The following GALK2 variants were observed in gnomAD, a reference collection of about 807,000 sequenced individuals.
GALK2 encodes the protein galactokinase 2, also known as N-acetylgalactosamine kinase.
Under a neutral mutation model 52.4 loss-of-function variants are expected in GALK2, and 36 were observed. The observed-to-expected ratio is 0.69, with a 90% CI of 0.53 to 0.91. GALK2 has a LOEUF of 0.91. GALK2 is among the 40% of genes least tolerant of loss of function. The pLI is 0.00. For synonymous variants in GALK2, 176 were observed against 199.1 expected, an observed-to-expected ratio of 0.88 and a Z score of 0.98; for missense variants, 579 against 559.1, an observed-to-expected ratio of 1.04 and a Z score of -0.36.
In GALK2 at chr15:49,283,438, G is replaced by GTACA. The variant is rs1328101915; in HGVS notation, c.604-128_604-127insTACA. 2.8e-5 allele frequency: 22 copies of GTACA among 774,678 alleles called. No homozygotes were observed. The East Asian group carries it at 5.7e-4, about 20-fold the overall frequency. 48.0% of individuals were successfully genotyped at this position (774,678 alleles called of 1,614,324 possible). The stretch of plus-strand genomic sequence containing the variant: ...TCCAGTGCCTAGTACAGCGCCTGGA[G>GTACA]GTCAATAAGTAATATTTGAATGAAT... On this transcript the variant is annotated intron_variant, in intron 6 of 9. Coordinates refer to ENST00000560031, the MANE Select transcript of GALK2 (RefSeq NM_002044.4).
chr15:49,270,371 A>G (rs1287442171), intron 5 of GALK2, among the ~76,000 whole-genome samples: 1 of 152,216 alleles, frequency 6.6e-6, no homozygotes, highest in Non-Finnish European at 1.5e-5. Flanking sequence ...GTTCTTCAGA[A>G]GAGGCAGTAT....
intron 5 of GALK2, among the ~76,000 whole-genome samples, chr15:49,258,792 ATATGTGTGTGTGTGTGTG>A (rs1316860888): frequency 6.1e-5 from 8 of 130,922 alleles, no homozygotes; most frequent in South Asian, 5.3e-4. Context: ...ATATATATAT[ATATGTGTGTGTGTGTGTG>A]TGTGTGTGTG....
At chr15:49,259,110 T>C (rs1349160826) in intron 5 of GALK2, among the ~76,000 whole-genome samples, 1 of 151,718 alleles carries the variant, frequency 6.6e-6, no homozygotes, top group Non-Finnish European at 1.5e-5. Flanking sequence ...TATATATGTA[T>C]ACTAAAAATT....
At position 49,347,848 on chromosome 15, in the gene GALK2, G is replaced by A. The variant is rs368640895; in HGVS notation, c.427-19643G>A. Among the ~76,000 whole-genome samples, 51 of 151,886 alleles carry A rather than the reference G, an allele frequency of 3.4e-4. No individual in the cohort carries two copies. The East Asian group carries it at 6.8e-3, about 20-fold the overall frequency. On this transcript the variant is annotated intron_variant, in intron 3 of 3. Coordinates refer to the GALK2 transcript ENST00000558399. ...AGCCTGGCCAACATGGTGAAACCCCGTCTCTACTAAAAATATACAAATTAG... is the reference window on the plus strand; with the variant it reads ...AGCCTGGCCAACATGGTGAAACCCCATCTCTACTAAAAATATACAAATTAG...
At chr15:49,235,231 C>T (rs1043005595) in intron 3 of GALK2, among the ~76,000 whole-genome samples, 1 of 152,116 alleles carries the variant, frequency 6.6e-6, no homozygotes, top group African/African-American at 2.4e-5. Flanking sequence ...ATACAGTTTA[C>T]CATGTAGTGA....
chr15:49,245,891 A>G (rs1195159649), intron 5 of GALK2, among the ~76,000 whole-genome samples: 1 of 152,212 alleles, frequency 6.6e-6, no homozygotes, highest in Non-Finnish European at 1.5e-5. Context: ...ACATTAAACA[A>G]TTAATATGGT....
At chr15:49,299,087 T>G (rs1567036335) in intron 8 of GALK2, among the ~76,000 whole-genome samples, 1 of 152,070 alleles carries the variant, frequency 6.6e-6, no homozygotes, top group Non-Finnish European at 1.5e-5. Context: ...TTTTAGAACT[T>G]TTTATTTGTC....
chr15:49,213,657 T>C (rs1046037230), intron 2 of GALK2, among the ~76,000 whole-genome samples: 1 of 152,190 alleles, frequency 6.6e-6, no homozygotes, highest in Non-Finnish European at 1.5e-5. Flanking sequence ...TGTCTTTTAT[T>C]GGGAATTTAG....
At chr15:49,302,545 A>T (rs1398235294) in intron 8 of GALK2, among the ~76,000 whole-genome samples, 1 of 152,202 alleles carries the variant, frequency 6.6e-6, no homozygotes, top group Non-Finnish European at 1.5e-5. Flanking sequence ...GTTTTTATCT[A>T]ATAAAAAGTA....
chr15:49,301,515 A>T (rs1160351103), intron 8 of GALK2, among the ~76,000 whole-genome samples: 3 of 152,066 alleles, frequency 2.0e-5, no homozygotes, highest in Non-Finnish European at 4.4e-5. Context: ...GGGTAAGGAG[A>T]GATAGGCAGA....
chr15:49,226,477 G>A (rs1009929783), intron 3 of GALK2, among the ~76,000 whole-genome samples: 3 of 152,030 alleles, frequency 2.0e-5, no homozygotes, highest in Non-Finnish European at 2.9e-5. Flanking sequence ...TTTTAGTCTC[G>A]TTCAGTGGGA....
At chr15:49,269,180 G>A (rs1004070639) in intron 5 of GALK2, among the ~76,000 whole-genome samples, 3 of 152,194 alleles carry the variant, frequency 2.0e-5, no homozygotes, top group African/African-American at 7.2e-5. Flanking sequence ...GTTCATGAAA[G>A]TTATTGGTTG....
intron 1 of GALK2, among the ~76,000 whole-genome samples, chr15:49,196,753 C>T (rs2087268621): frequency 6.6e-6 from 1 of 151,978 alleles, no homozygotes; most frequent in African/African-American, 2.4e-5. Context: ...TATAGTTTTG[C>T]CTTATACAAG....
chr15:49,366,708 G>C, intron 3 of GALK2: 2 of 1,329,826 alleles, frequency 1.5e-6, no homozygotes, highest in Non-Finnish European at 2.1e-6. Flanking sequence ...GGCGGGTGGG[G>C]TGGCGCGGCG....
chr15:49,260,195 C>G (rs966488712), intron 5 of GALK2, among the ~76,000 whole-genome samples: 2 of 152,160 alleles, frequency 1.3e-5, no homozygotes, highest in Non-Finnish European at 2.9e-5. Context: ...ACAGTCCCAC[C>G]AACAGTGTAA....
intron 3 of GALK2, among the ~76,000 whole-genome samples, chr15:49,229,386 A>G (rs1459583669): frequency 6.6e-6 from 1 of 152,192 alleles, no homozygotes; most frequent in Non-Finnish European, 1.5e-5. Context: ...CAGTAGCAGT[A>G]GTAGAACAAC....
At chr15:49,350,184 T>C (rs1174621762) in intron 3 of GALK2, among the ~76,000 whole-genome samples, 3 of 152,200 alleles carry the variant, frequency 2.0e-5, no homozygotes, top group African/African-American at 7.2e-5. Flanking sequence ...TCTGTGACAA[T>C]GGAAATGTCT....
At chr15:49,271,670 G>A (rs911559267) in intron 5 of GALK2, among the ~76,000 whole-genome samples, 2 of 152,126 alleles carry the variant, frequency 1.3e-5, no homozygotes, top group Non-Finnish European at 2.9e-5. Context: ...CTCCCTCACG[G>A]ATTTGAAACT....
chr15:49,259,112 C>T (rs1281840069), intron 5 of GALK2, among the ~76,000 whole-genome samples: 1 of 150,944 alleles, frequency 6.6e-6, no homozygotes, highest in Non-Finnish European at 1.5e-5. Context: ...TATATGTATA[C>T]TAAAAATTGA....
Sources: gnomAD v4.1 joint callset for allele counts (sites outside exome capture counted in the v4.1 genomes callset) on GRCh38, gnomAD v4.1.1 for gene constraint, MANE v1.5 for transcripts, NCBI Gene and HGNC (gene_info 2026-07-23, HGNC 2026-07-21) for gene names.